The following SCUBE1 variants were observed in gnomAD, a reference collection of about 807,000 sequenced individuals.
The protein encoded by SCUBE1 is signal peptide, CUB and EGF-like domain-containing protein 1.
Under a neutral mutation model 124.4 loss-of-function variants are expected in SCUBE1, and 59 were observed. The observed-to-expected ratio is 0.47, with a 90% CI of 0.38 to 0.59. The LOEUF (loss-of-function observed/expected upper bound fraction) is 0.59. SCUBE1 is among the 20% of genes least tolerant of loss of function. The pLI, the probability that SCUBE1 is intolerant of heterozygous loss-of-function variation, is 0.00. For missense variants in SCUBE1, 1,150 were observed against 1,371.2 expected, an observed-to-expected ratio of 0.84 and a Z score of 2.55; for synonymous variants, 545 against 550.9, an observed-to-expected ratio of 0.99 and a Z score of 0.15.
intron 14 of SCUBE1, among the ~76,000 whole-genome samples, chr22:43,219,619 G>A (rs1017204190): frequency 1.1e-4 from 16 of 151,852 alleles, no homozygotes; most frequent in South Asian, 2.1e-4. Context: ...GATTACAGGT[G>A]CCTGCCACCA....
intron 6 of SCUBE1, among the ~76,000 whole-genome samples, chr22:43,245,493 G>A (rs981698322): frequency 2.6e-5 from 4 of 152,190 alleles, no homozygotes; most frequent in Admixed American, 6.5e-5. Context: ...CAGGGTGACT[G>A]TGGAGGCTGC....
chr22:43,248,168 A>G (rs1333904286), intron 6 of SCUBE1, among the ~76,000 whole-genome samples: 1 of 152,192 alleles, frequency 6.6e-6, no homozygotes, highest in Non-Finnish European at 1.5e-5. Flanking sequence ...TGGATGTTTA[A>G]ACATTAGATG....
Position 43,212,580 on chromosome 22 carries a change from G to T in SCUBE1, c.2066C>A (p.Pro689Gln), listed in dbSNP as rs867818333. Residue 689 changes from proline (P) to glutamine (Q), a missense_variant, in exon 17 of 22, where the codon CCA (proline) becomes CAA (glutamine). Pro to Gln is a moderately conservative substitution (Grantham distance 76). Coordinates refer to ENST00000360835, the MANE Select transcript of SCUBE1 (RefSeq NM_173050.5). ...GAAGCCATCGGCCGAGAAGAAGCCT[G>T]GAGAACACTGGCCTGAAAGTCAGAG... ...NVSECGGQCS[P>Q]GFFSADGFKP... 1 of 1,565,470 alleles carries T rather than the reference G, an allele frequency of 6.4e-7. No individual in the cohort carries two copies. Among genetic ancestry groups the T allele is most frequent in the East Asian group, 2.4e-5 (1 of 41,618 alleles).
chr22:43,221,264 C>T lies in SCUBE1; in HGVS notation c.1458G>A (p.Gln486=), dbSNP rs770663470. ...CSDAPTTPIK[Q]KARFKIRDAK... ...CATCTCGGATCTTGAAGCGGGCCTT[C>T]TGTTTGATGGGGGTGGTGGGGGCAT... Residue 486 remains glutamine, a synonymous_variant, in exon 13 of 22, where the codon CAG becomes CAA. Coordinates refer to ENST00000360835, the MANE Select transcript of SCUBE1 (RefSeq NM_173050.5). 2 of 1,608,122 alleles carry T rather than the reference C, an allele frequency of 1.2e-6. No individual in the cohort carries two copies. The highest frequency in any genetic ancestry group is 2.7e-5 in the African/African-American group (2 of 74,632).
chr22:43,302,535 T>C (rs1925814215), intron 3 of SCUBE1, among the ~76,000 whole-genome samples: 1 of 152,156 alleles, frequency 6.6e-6, no homozygotes, highest in South Asian at 2.1e-4. Flanking sequence ...CACTCTTTGT[T>C]ACAGTTATCT....
chr22:43,332,778 A>G (rs574774659), intron 2 of SCUBE1, among the ~76,000 whole-genome samples: 1 of 152,198 alleles, frequency 6.6e-6, no homozygotes, highest in South Asian at 2.1e-4. Flanking sequence ...CAGCATGGAT[A>G]AGGGTCATTC....
intron 3 of SCUBE1, among the ~76,000 whole-genome samples, chr22:43,304,139 T>A (rs1026266699): frequency 2.0e-5 from 3 of 152,208 alleles, no homozygotes; most frequent in African/African-American, 7.2e-5. Flanking sequence ...AGCTTTTGTT[T>A]CTCATGACTC....
At chr22:43,274,828 C>T (rs756241780) in intron 4 of SCUBE1, among the ~76,000 whole-genome samples, 6 of 152,238 alleles carry the variant, frequency 3.9e-5, no homozygotes, top group Non-Finnish European at 7.3e-5. Flanking sequence ...AGCAGTGGCG[C>T]TCACTTCCTC....
rs185643835 is a variant in SCUBE1, at chr22:43,322,740, G to A, written c.221-2675C>T. 8.3e-4 allele frequency among the ~76,000 whole-genome samples: 126 copies of A among 152,278 alleles called. 2 individuals carry two copies. The highest frequency in any genetic ancestry group is 7.3e-5 in the Non-Finnish European group (5 of 68,036). On this transcript the variant is annotated intron_variant, in intron 2 of 21. Transcript: ENST00000360835. ...TAACAGTCTTATCCAAACAGCACGT[G>A]CCACTAGCAATTGCTGTTGGTCCCA...
At chr22:43,207,995 G>T in intron 20 of SCUBE1, 77 bp downstream of exon 20, 1 of 1,518,500 alleles carries the variant, frequency 6.6e-7, no homozygotes, top group Non-Finnish European at 9.1e-7. Context: ...TGAGGGCGGG[G>T]ACGTGCGACT....
intron 2 of SCUBE1, among the ~76,000 whole-genome samples, chr22:43,320,479 T>C (rs1002538462): frequency 1.3e-5 from 2 of 152,246 alleles, no homozygotes; most frequent in Admixed American, 1.3e-4. Flanking sequence ...TTCCTTGCTA[T>C]AACAAAGGCT....
intron 4 of SCUBE1, among the ~76,000 whole-genome samples, chr22:43,277,460 T>C (rs950305079): frequency 2.0e-5 from 3 of 152,160 alleles, no homozygotes; most frequent in Admixed American, 2.0e-4. Flanking sequence ...GAGGGCAGCA[T>C]GGCGAGACAG....
At chr22:43,208,320 C>T in intron 19 of SCUBE1, 96 bp from the exon 20 acceptor site, 1 of 1,145,178 alleles carries the variant, frequency 8.7e-7, no homozygotes, top group Non-Finnish European at 1.3e-6. Context: ...CCAGCACCTG[C>T]ACCGAACGCC....
intron 6 of SCUBE1, among the ~76,000 whole-genome samples, chr22:43,244,408 C>A (rs1923125184): frequency 6.6e-6 from 1 of 152,240 alleles, no homozygotes; most frequent in Non-Finnish European, 1.5e-5. Flanking sequence ...GCGGAGGTGT[C>A]TAATGAGTTG....
chr22:43,271,684 G>A (rs1038089417), intron 4 of SCUBE1, among the ~76,000 whole-genome samples: 37 of 152,004 alleles, frequency 2.4e-4, no homozygotes, highest in African/African-American at 8.2e-4. Context: ...TAGGCCTGCC[G>A]GGAACCAACA....
intron 3 of SCUBE1, among the ~76,000 whole-genome samples, chr22:43,292,961 T>G (rs1431115979): frequency 1.3e-5 from 2 of 152,222 alleles, no homozygotes; most frequent in East Asian, 3.8e-4. Flanking sequence ...ATCGCACCAT[T>G]CTGACTGGGG....
At chr22:43,222,858 G>T (rs1922153737) in intron 11 of SCUBE1, 116 bp from the exon 12 acceptor site, 3 of 969,796 alleles carry the variant, frequency 3.1e-6, no homozygotes, top group Non-Finnish European at 3.1e-6. Context: ...AGATTCTTCT[G>T]CCAGTTTCTG....
chr22:43,252,873 G>A (rs1923509212), intron 6 of SCUBE1, among the ~76,000 whole-genome samples: 1 of 148,062 alleles, frequency 6.8e-6, no homozygotes, highest in Non-Finnish European at 1.5e-5. Flanking sequence ...GGGCAGGATG[G>A]GAACGGTCAC....
intron 4 of SCUBE1, among the ~76,000 whole-genome samples, chr22:43,273,558 C>CCT (rs1456360768): frequency 2.5e-5 from 2 of 80,656 alleles, no homozygotes; most frequent in Non-Finnish European, 6.0e-5. Flanking sequence ...AGACTAAAAC[C>CCT]CTCTTTTTTT....
Sources: allele counts gnomAD v4.1 joint callset (sites outside exome capture counted in the v4.1 genomes callset), GRCh38; gene constraint gnomAD v4.1.1; transcripts MANE v1.5; gene names NCBI Gene and HGNC (gene_info 2026-07-23, HGNC 2026-07-21).